CNNM2: variants seen among roughly 807,000 people sequenced by gnomAD.
The protein encoded by CNNM2 is cyclin and CBS domain divalent metal cation transport mediator 2, also known as metal transporter CNNM2.
In CNNM2, 12 loss-of-function variants were observed where a neutral mutation model predicts 66.9. That is an observed-to-expected ratio of 0.18 (90% confidence interval 0.11 to 0.29). The LOEUF is 0.29. CNNM2 is among the 10% of genes least tolerant of loss of function. The pLI, the probability that CNNM2 is intolerant of heterozygous loss-of-function variation, is 1.00. For missense variants in CNNM2, 705 were observed against 1,167.7 expected, an observed-to-expected ratio of 0.60 and a Z score of 5.77; for synonymous variants, 557 against 501.8, an observed-to-expected ratio of 1.11 and a Z score of -1.47.
chr10:103,023,381 C>T (rs759280687), intron 1 of CNNM2, among the ~76,000 whole-genome samples: 11 of 152,144 alleles, frequency 7.2e-5, no homozygotes, highest in Non-Finnish European at 1.5e-4. Flanking sequence ...GGTGAAACCC[C>T]ATCTCTACTA....
At chr10:103,070,807 G>A (rs939708420) in intron 5 of CNNM2, among the ~76,000 whole-genome samples, 7 of 152,196 alleles carry the variant, frequency 4.6e-5, no homozygotes, top group African/African-American at 1.4e-4. Context: ...GCACATGCCT[G>A]TAGTCCTAGC....
chr10:102,957,316 TAATA>T (rs1458478225), intron 1 of CNNM2, among the ~76,000 whole-genome samples: 2 of 151,694 alleles, frequency 1.3e-5, no homozygotes, highest in South Asian at 2.1e-4. Flanking sequence ...AAAAAAATAA[TAATA>T]AATAAAAAAG....
chr10:103,064,094 G>A (rs769872455), intron 4 of CNNM2, among the ~76,000 whole-genome samples: 3 of 152,198 alleles, frequency 2.0e-5, no homozygotes. Context: ...TGGAATTGTA[G>A]AGTCATAGAA....
At chr10:102,949,563 C>G (rs1472749083) in intron 1 of CNNM2, among the ~76,000 whole-genome samples, 1 of 151,826 alleles carries the variant, frequency 6.6e-6, no homozygotes, top group African/African-American at 2.4e-5. Flanking sequence ...ACAGGCAGAT[C>G]ACTTGAGGTC....
In CNNM2 at chr10:102,968,608, C is replaced by CT. The variant is rs547393785; in HGVS notation, c.1621+48521dup. ...TAACCATGCTACTGGGAGTGTAGTGCTTTTTTTTTTTTTTCTTTGAGACAG... is the reference window on the plus strand; with the variant it reads ...TAACCATGCTACTGGGAGTGTAGTGCTTTTTTTTTTTTTTTCTTTGAGACAG... On this transcript the variant is annotated intron_variant, in intron 1 of 7. Transcript: ENST00000369878. Among the ~76,000 whole-genome samples the CT allele has an allele frequency of 6.2e-3, 885 of 142,588 alleles. 18 individuals are homozygous for CT. In the East Asian group the frequency reaches 0.075, roughly 12 times the overall value. 93.5% of individuals were successfully genotyped at this position (142,588 alleles called of 152,430 possible).
chr10:103,032,772 C>T (rs1416371814), intron 1 of CNNM2, among the ~76,000 whole-genome samples: 1 of 148,540 alleles, frequency 6.7e-6, no homozygotes, highest in East Asian at 2.0e-4. Context: ...GTAGAATTTA[C>T]TTAACGGGGC....
intron 1 of CNNM2, among the ~76,000 whole-genome samples, chr10:102,996,133 T>A (rs778234279): frequency 6.6e-6 from 1 of 152,232 alleles, no homozygotes; most frequent in Non-Finnish European, 1.5e-5. Context: ...TCTTTTTTAT[T>A]CCTGATGTTG....
chr10:102,928,987 T>C (rs956770126), intron 1 of CNNM2, among the ~76,000 whole-genome samples: 2 of 152,104 alleles, frequency 1.3e-5, no homozygotes, highest in African/African-American at 4.8e-5. Context: ...TCGCTGGGCG[T>C]GGTGGCTCAT....
chr10:102,961,049 T>C (rs1453021887), intron 1 of CNNM2, among the ~76,000 whole-genome samples: 1 of 151,954 alleles, frequency 6.6e-6, no homozygotes, highest in Non-Finnish European at 1.5e-5. Context: ...AGCTAATTTT[T>C]GTATCTTCAG....
At chr10:103,025,635 CA>C (rs2064687618) in intron 1 of CNNM2, among the ~76,000 whole-genome samples, 1 of 152,152 alleles carries the variant, frequency 6.6e-6, no homozygotes, top group Non-Finnish European at 1.5e-5. Flanking sequence ...GTGTTTCATA[CA>C]ATAGTGCATG....
intron 1 of CNNM2, among the ~76,000 whole-genome samples, chr10:102,933,422 T>A (rs1480540381): frequency 1.3e-5 from 2 of 152,224 alleles, no homozygotes; most frequent in East Asian, 3.8e-4. Flanking sequence ...ATCTTCAGAT[T>A]GTTCATTGCT....
chr10:102,987,845 C>CT (rs2063825401), intron 1 of CNNM2, among the ~76,000 whole-genome samples: 1 of 152,116 alleles, frequency 6.6e-6, no homozygotes, highest in Admixed American at 6.5e-5. Context: ...CACTATTTTC[C>CT]TTTGGAAATT....
At chr10:102,949,021 G>A (rs148064235) in intron 1 of CNNM2, among the ~76,000 whole-genome samples, 1 of 152,308 alleles carries the variant, frequency 6.6e-6, no homozygotes, top group African/African-American at 2.4e-5. Flanking sequence ...ATGGCACTCT[G>A]CCTTTTTAGG....
At position 103,056,907 on chromosome 10, in the gene CNNM2, C is replaced by T. The variant is rs766427541; in HGVS notation, c.2016C>T (p.Pro672=). ...ATGATGAGAAGAACAAGAAAGCCCC[C>T]GAATACTACCTCTACCAGCGCAACA... ...LKYDEKNKKA[P]EYYLYQRNKP... is the part of the protein sequence containing the mutation. Residue 672 remains proline, a synonymous_variant, in exon 4 of 8, where the codon CCC becomes CCT. Coordinates refer to ENST00000369878, the MANE Select transcript of CNNM2 (RefSeq NM_017649.5). 1.4e-5 allele frequency: 22 copies of T among 1,613,814 alleles called. No individual in the cohort carries two copies. Among genetic ancestry groups the T allele is most frequent in the Non-Finnish European group, 1.7e-5 (20 of 1,179,878 alleles).
At position 103,039,510 on chromosome 10, in the gene CNNM2, T is replaced by A. The variant is rs58317752; in HGVS notation, c.1622-10197T>A. Among the ~76,000 whole-genome samples the A allele has an allele frequency of 0.1, 15,905 of 152,248 alleles. 850 individuals carry two copies. The highest frequency in any genetic ancestry group is 0.18 in the Middle Eastern group (52 of 294). On this transcript the variant is annotated intron_variant, in intron 1 of 7. Transcript: ENST00000369878. ...ATATCAGCATTCATCCATGTATTCA[T>A]TACAAAAATCTGAGTGTTTGTTACG...
intron 1 of CNNM2, among the ~76,000 whole-genome samples, chr10:102,957,388 G>A (rs545476263): frequency 2.0e-5 from 3 of 152,314 alleles, no homozygotes; most frequent in African/African-American, 7.2e-5. Context: ...TCCTTGAGGG[G>A]ATGGGAAAGC....
At chr10:102,920,190 C>T in intron 1 of CNNM2, 89 bp downstream of exon 1, 1 of 1,610,604 alleles carries the variant, frequency 6.2e-7, no homozygotes, top group Non-Finnish European at 8.5e-7. Flanking sequence ...ACCAACCCCC[C>T]AAGGCGAGTT....
Position 103,018,686 on chromosome 10 carries a change from C to CTTTTTTTTTTTTTT in CNNM2, c.1622-31013_1622-31000dup, listed in dbSNP as rs370000130. Among the ~76,000 whole-genome samples, 7 of 116,270 alleles carry CTTTTTTTTTTTTTT rather than the reference C, an allele frequency of 6.0e-5. 1 individual carries two copies. The highest frequency in any genetic ancestry group is 2.4e-4 in the East Asian group (1 of 4,160). The allele number at this position is 116,270 out of a possible 152,430, so 76.3% of individuals were successfully genotyped here. A position where few individuals can be genotyped will look rare whatever the true frequency, so the allele number is the denominator to read the frequency against. ...AGCAAGGTAAATATACTCTTCTTTCCTTTTTTTTTTTTTTTTTTTTTGAGA... is the reference window on the plus strand; with the variant it reads ...AGCAAGGTAAATATACTCTTCTTTCCTTTTTTTTTTTTTTTTTTTTTTTTTTTTTTTTTTTGAGA... On this transcript the variant is annotated intron_variant, in intron 1 of 7. Transcript: ENST00000369878.
rs1237139611 is a variant in CNNM2, at chr10:103,054,155, T to G, written c.1766-174T>G. 6.6e-6 allele frequency among the ~76,000 whole-genome samples: 1 copy of G among 152,180 alleles called. No individual in the cohort carries two copies. The highest frequency in any genetic ancestry group is 2.4e-5 in the African/African-American group (1 of 41,436). Reference sequence around the variant, plus strand: ...GTGGTGCCCAGGCCGCCGTGCTGATTTGATGAGGATCTGGCTCTCCCTCCC... The same window carrying G: ...GTGGTGCCCAGGCCGCCGTGCTGATGTGATGAGGATCTGGCTCTCCCTCCC... On this transcript the variant is annotated intron_variant, in intron 2 of 7. Coordinates refer to ENST00000369878, the MANE Select transcript of CNNM2 (RefSeq NM_017649.5). The surrounding 1 kb of genome is among the most constrained non-coding windows in gnomAD (Gnocchi z 5.2).
Sources: gnomAD v4.1 joint callset for allele counts (sites outside exome capture counted in the v4.1 genomes callset) on GRCh38, gnomAD v4.1.1 for gene constraint, Gnocchi (gnomAD v3.1) non-coding constraint, MANE v1.5 for transcripts, NCBI Gene and HGNC (gene_info 2026-07-23, HGNC 2026-07-21) for gene names.